Variants in PPFIBP2 observed in about 807,000 individuals in gnomAD.
PPFIBP2 encodes the protein liprin-beta-2.
Under a neutral mutation model 118.3 loss-of-function variants are expected in PPFIBP2, and 118 were observed. That is an observed-to-expected ratio of 1.00 (90% CI 0.86 to 1.16). The LOEUF is 1.16. Ranked by LOEUF, PPFIBP2 falls within the 50% of genes most tolerant of loss-of-function variation. PPFIBP2 has a pLI of 0.00. For missense variants in PPFIBP2, 1,195 were observed against 1,073.1 expected (o/e 1.11, Z -1.59); for synonymous variants, 414 against 397.4 (o/e 1.04, Z -0.50).
At chr11:7,651,905 G>A (rs1217007219) in intron 23 of PPFIBP2, 61 bp downstream of exon 23, 13 of 1,459,696 alleles carry the variant, frequency 8.9e-6, no homozygotes, top group Non-Finnish European at 1.1e-5. Context: ...ACGCAGCACA[G>A]CACCTGGCGC....
intron 5 of PPFIBP2, among the ~76,000 whole-genome samples, chr11:7,607,311 A>G (rs1244087871): frequency 6.7e-6 from 1 of 149,110 alleles, no homozygotes; most frequent in Non-Finnish European, 1.5e-5. Context: ...AGGTTCAATC[A>G]ATCCTCCCAC....
the PPFIBP2 span, chr11:7,666,447 G>C: frequency 1.3e-6 from 2 of 1,597,192 alleles, no homozygotes; most frequent in South Asian, 1.1e-5. Flanking sequence ...AATGGATGTC[G>C]TACCAATGGG....
chr11:7,542,394 T>C (rs1425461876), intron 1 of PPFIBP2, among the ~76,000 whole-genome samples: 1 of 152,242 alleles, frequency 6.6e-6, no homozygotes, highest in Non-Finnish European at 1.5e-5. Flanking sequence ...CTTTTAATCT[T>C]TTTTATTTCT....
chr11:7,597,566 G>A lies in PPFIBP2; in HGVS notation c.379G>A (p.Val127Ile), dbSNP rs761989075. 1 of 1,613,446 alleles carries A rather than the reference G, an allele frequency of 6.2e-7. No homozygotes were observed. The highest frequency in any genetic ancestry group is 2.2e-5 in the East Asian group (1 of 44,844). The change falls in exon 5 of 24, where the codon GTC becomes ATC. Residue 127 changes from valine (V) to isoleucine (I), a missense_variant. Val to Ile is a conservative substitution (Grantham distance 29). Coordinates refer to ENST00000299492, the MANE Select transcript of PPFIBP2 (RefSeq NM_003621.5). ...GCTTTATTTCCTGGAACAGGTGAGTGTCCTCACAGACCAAGTAGAAGCCCA... is the reference window on the plus strand; with the variant it reads ...GCTTTATTTCCTGGAACAGGTGAGTATCCTCACAGACCAAGTAGAAGCCCA... ...DKESLILQVS[V>I]LTDQVEAQGE... is the part of the protein sequence containing the mutation.
intron 12 of PPFIBP2, among the ~76,000 whole-genome samples, chr11:7,633,882 A>T (rs1202443114): frequency 6.6e-6 from 1 of 152,198 alleles, no homozygotes; most frequent in African/African-American, 2.4e-5. Context: ...ACTGCCAAGG[A>T]GACTTGGCAC....
At chr11:7,515,057 T>A (rs965603720) in intron 1 of PPFIBP2, among the ~76,000 whole-genome samples, 1 of 152,220 alleles carries the variant, frequency 6.6e-6, no homozygotes, top group Non-Finnish European at 1.5e-5. Context: ...GAAAAGTAGT[T>A]GGTTTTCGAC....
chr11:7,599,741 C>T (rs1289034789), intron 5 of PPFIBP2, among the ~76,000 whole-genome samples: 1 of 151,422 alleles, frequency 6.6e-6, no homozygotes, highest in African/African-American at 2.4e-5. Flanking sequence ...CGCCATTCTC[C>T]TGCCTTAGCC....
rs1683819504 is a variant in PPFIBP2, at chr11:7,514,127, T to G, written c.-37+6T>G. ...AGCCTCGGCCCCGTACCCAGGTCAGTGGGCTCTCCCCACACCCCGGGCTTG... is the reference window on the plus strand; with the variant it reads ...AGCCTCGGCCCCGTACCCAGGTCAGGGGGCTCTCCCCACACCCCGGGCTTG... On this transcript the variant is annotated splice_donor_region_variant and intron_variant, in intron 1 of 23. Transcript: ENST00000299492. 1.3e-5 allele frequency: 2 copies of G among 152,280 alleles called. No individual in the cohort carries two copies. The allele number at this position is 152,280 out of a possible 1,614,324, so 9.4% of individuals were successfully genotyped here. A position where few individuals can be genotyped will look rare whatever the true frequency, so the allele number is the denominator to read the frequency against.
intron 2 of PPFIBP2, among the ~76,000 whole-genome samples, chr11:7,556,778 A>G (rs889048917): frequency 6.6e-6 from 1 of 152,230 alleles, no homozygotes; most frequent in East Asian, 1.9e-4. Context: ...GTTGGTCACT[A>G]TCCATAGGTA....
chr11:7,520,515 T>C (rs1849662954), intron 1 of PPFIBP2, among the ~76,000 whole-genome samples: 1 of 152,102 alleles, frequency 6.6e-6, no homozygotes, highest in Admixed American at 6.5e-5. Flanking sequence ...GATTTTTTTT[T>C]TTTTTTTCCT....
chr11:7,608,424 G>A (rs117710303), intron 5 of PPFIBP2, among the ~76,000 whole-genome samples: 4,250 of 152,138 alleles, frequency 0.028, 94 homozygotes, highest in East Asian at 0.084. Flanking sequence ...GTGAATTACT[G>A]GAGATCAGGA....
At chr11:7,545,675 G>T (rs1219362850) in intron 1 of PPFIBP2, among the ~76,000 whole-genome samples, 1 of 132,122 alleles carries the variant, frequency 7.6e-6, no homozygotes, top group Admixed American at 7.1e-5. Flanking sequence ...CCAAGGATAA[G>T]GGGGGACTAC....
chr11:7,579,923 A>T (rs892699813), intron 3 of PPFIBP2, among the ~76,000 whole-genome samples: 1 of 151,754 alleles, frequency 6.6e-6, no homozygotes, highest in African/African-American at 2.4e-5. Context: ...TACCCTAAAC[A>T]CTACTGCCAG....
intron 1 of PPFIBP2, among the ~76,000 whole-genome samples, chr11:7,535,794 G>C (rs1311862780): frequency 6.6e-6 from 1 of 152,208 alleles, no homozygotes; most frequent in Non-Finnish European, 1.5e-5. Flanking sequence ...CCTGAACACA[G>C]TCTGGGCAGT....
chr11:7,626,781 G>A (rs903338289), intron 8 of PPFIBP2, among the ~76,000 whole-genome samples: 1 of 152,188 alleles, frequency 6.6e-6, no homozygotes, highest in Non-Finnish European at 1.5e-5. Context: ...GAGCAATGCC[G>A]AAGATCATAT....
intron 1 of PPFIBP2, among the ~76,000 whole-genome samples, chr11:7,534,457 G>A (rs2134371775): frequency 6.6e-6 from 1 of 152,294 alleles, no homozygotes; most frequent in East Asian, 1.9e-4. Context: ...TCTGGTTGAG[G>A]CAATGAAATA....
chr11:7,514,982 G>T (rs7118208), intron 1 of PPFIBP2, among the ~76,000 whole-genome samples: 102 of 152,246 alleles, frequency 6.7e-4, no homozygotes, highest in African/African-American at 2.4e-3. Flanking sequence ...TTAATTGATT[G>T]TAATACAAAT....
intron 3 of PPFIBP2, among the ~76,000 whole-genome samples, chr11:7,566,269 A>G (rs959076848): frequency 3.3e-5 from 5 of 152,228 alleles, no homozygotes; most frequent in Admixed American, 2.0e-4. Flanking sequence ...AAATTAGTTT[A>G]TTCGTATTCC....
At chr11:7,527,117 C>T (rs144582615) in intron 1 of PPFIBP2, among the ~76,000 whole-genome samples, 1 of 151,336 alleles carries the variant, frequency 6.6e-6, no homozygotes, top group Non-Finnish European at 1.5e-5. Context: ...CCTACCATAC[C>T]CTAGGAAGTC....
Sources: gnomAD v4.1 joint callset for allele counts (sites outside exome capture counted in the v4.1 genomes callset) on GRCh38, gnomAD v4.1.1 for gene constraint, MANE v1.5 for transcripts, NCBI Gene and HGNC (gene_info 2026-07-23, HGNC 2026-07-21) for gene names.